NDST4: variants seen among roughly 807,000 people sequenced by gnomAD.
NDST4 encodes the protein N-heparan sulfate sulfotransferase 4.
NDST4 carries 63 observed loss-of-function variants against 100.8 expected under a neutral mutation model. The ratio of observed to expected loss-of-function variants is 0.62; its 90% CI spans 0.51 to 0.77. The LOEUF (loss-of-function observed/expected upper bound fraction) is 0.77. Ranked by LOEUF, NDST4 falls within the 30% of genes least tolerant of loss-of-function variation. The pLI is 0.00. For synonymous variants in NDST4, 377 were observed against 361.8 expected (o/e 1.04, Z -0.48); for missense variants, 943 against 1,018.4 (o/e 0.93, Z 1.01).
intron 2 of NDST4, among the ~76,000 whole-genome samples, chr4:115,061,566 T>C (rs1184158583): frequency 1.3e-5 from 2 of 151,460 alleles, no homozygotes; most frequent in African/African-American, 4.9e-5. Context: ...AAGTGGGAGT[T>C]GAATAATGAA....
chr4:114,907,643 A>G (rs1724979836), intron 6 of NDST4, among the ~76,000 whole-genome samples: 1 of 152,084 alleles, frequency 6.6e-6, no homozygotes, highest in East Asian at 1.9e-4. Context: ...GGTGTTTTCC[A>G]TATGTTATGA....
chr4:114,896,640 AT>A lies in NDST4; in HGVS notation c.1537-25691del, dbSNP rs199518146. Among the ~76,000 whole-genome samples the A allele has an allele frequency of 8.2e-3, 1,210 of 147,842 alleles. 14 individuals are homozygous for A. Among genetic ancestry groups the A allele is most frequent in the African/African-American group, 0.028 (1,122 of 39,630 alleles). ...TCCGTCTCAAAAAAAAAAAAAAAAA[AT>A]TTGCTTTGGGTAAAATACTGCATTT... On this transcript the variant is annotated intron_variant, in intron 6 of 13. Transcript: ENST00000264363.
At chr4:114,955,259 A>G (rs533030204) in intron 4 of NDST4, among the ~76,000 whole-genome samples, 16 of 152,300 alleles carry the variant, frequency 1.1e-4, no homozygotes, top group Non-Finnish European at 2.1e-4. Context: ...TCACCAAACC[A>G]GGAGAAAGAC....
At chr4:114,858,765 C>T (rs748706507) in intron 7 of NDST4, among the ~76,000 whole-genome samples, 1 of 152,118 alleles carries the variant, frequency 6.6e-6, no homozygotes, top group South Asian at 2.1e-4. Flanking sequence ...TTCCTCATAA[C>T]TTTAAGGTTG....
At chr4:114,992,724 T>C (rs1306884284) in intron 2 of NDST4, among the ~76,000 whole-genome samples, 1 of 151,900 alleles carries the variant, frequency 6.6e-6, no homozygotes, top group Non-Finnish European at 1.5e-5. Flanking sequence ...TTCATTTAAC[T>C]TTTACAATAA....
At chr4:115,108,558 A>G (rs1291006685) in intron 1 of NDST4, among the ~76,000 whole-genome samples, 1 of 151,930 alleles carries the variant, frequency 6.6e-6, no homozygotes, top group Non-Finnish European at 1.5e-5. Context: ...AAAATTATTT[A>G]TATTTATTAT....
Position 115,019,525 on chromosome 4 carries a change from C to T in NDST4, c.979-42251G>A, listed in dbSNP as rs373602439. 1.8e-4 allele frequency among the ~76,000 whole-genome samples: 28 copies of T among 152,226 alleles called. No homozygotes were observed. In the South Asian group the frequency reaches 5.6e-3, roughly 30 times the overall value. On this transcript the variant is annotated intron_variant, in intron 2 of 13. Transcript: ENST00000264363. ...GAGAATAATGCCCTGGCAGCAGATT[C>T]TTATTTTAAATAGAACTCAGTATGT...
At chr4:114,894,162 T>C (rs540221650) in intron 6 of NDST4, among the ~76,000 whole-genome samples, 14 of 152,306 alleles carry the variant, frequency 9.2e-5, no homozygotes, top group South Asian at 2.1e-4. Flanking sequence ...TAGTCTGAAG[T>C]CAGGTAGCAT....
chr4:115,019,420 T>C (rs980301694), intron 2 of NDST4, among the ~76,000 whole-genome samples: 3 of 152,120 alleles, frequency 2.0e-5, no homozygotes, highest in Non-Finnish European at 4.4e-5. Context: ...CCCAGCCTAA[T>C]CTTTTCATCA....
At chr4:115,013,269 C>T (rs1453630226) in intron 2 of NDST4, among the ~76,000 whole-genome samples, 3 of 146,558 alleles carry the variant, frequency 2.0e-5, no homozygotes, top group African/African-American at 5.0e-5. Flanking sequence ...ATGGATATCC[C>T]ATTTACCCTA....
intron 2 of NDST4, among the ~76,000 whole-genome samples, chr4:114,984,707 G>T (rs1458167063): frequency 1.3e-5 from 2 of 152,040 alleles, no homozygotes; most frequent in African/African-American, 4.8e-5. Flanking sequence ...GACCAAAATT[G>T]ACCATGCCTG....
At chr4:115,023,881 CT>C (rs769113181) in intron 2 of NDST4, among the ~76,000 whole-genome samples, 5 of 152,086 alleles carry the variant, frequency 3.3e-5, no homozygotes, top group African/African-American at 1.2e-4. Context: ...CCCAGGGCAC[CT>C]TCTACAAGCT....
At chr4:114,999,998 T>C (rs752653782) in intron 2 of NDST4, among the ~76,000 whole-genome samples, 1 of 152,048 alleles carries the variant, frequency 6.6e-6, no homozygotes, top group Non-Finnish European at 1.5e-5. Flanking sequence ...AATTTAAGTA[T>C]ATACTTCTGA....
At chr4:114,879,699 A>C (rs562712492) in intron 6 of NDST4, among the ~76,000 whole-genome samples, 1 of 152,310 alleles carries the variant, frequency 6.6e-6, no homozygotes, top group South Asian at 2.1e-4. Context: ...ATGAACAAAT[A>C]AATCCTTGAT....
intron 4 of NDST4, among the ~76,000 whole-genome samples, chr4:114,942,792 A>G (rs2126228606): frequency 6.6e-6 from 1 of 152,038 alleles, no homozygotes; most frequent in East Asian, 1.9e-4. Flanking sequence ...TGATTTTTCT[A>G]ATGGATTTTA....
chr4:115,014,871 G>A (rs1362981778), intron 2 of NDST4, among the ~76,000 whole-genome samples: 7 of 152,072 alleles, frequency 4.6e-5, no homozygotes, highest in African/African-American at 2.4e-5. Context: ...CATGCAACCT[G>A]AGCATTGGCT....
intron 8 of NDST4, among the ~76,000 whole-genome samples, chr4:114,849,937 C>G (rs966271779): frequency 5.3e-5 from 8 of 151,914 alleles, no homozygotes; most frequent in African/African-American, 1.9e-4. Flanking sequence ...CTAAATATAA[C>G]AGGAGTTTAA....
intron 1 of NDST4, among the ~76,000 whole-genome samples, chr4:115,078,859 C>CA (rs201966756): frequency 6.6e-6 from 1 of 151,556 alleles, no homozygotes; most frequent in East Asian, 2.0e-4. Context: ...AACCCCCGCC[C>CA]AAAAAAAGTG....
chr4:115,032,530 T>G (rs1347466151), intron 2 of NDST4, among the ~76,000 whole-genome samples: 1 of 152,104 alleles, frequency 6.6e-6, no homozygotes, highest in Non-Finnish European at 1.5e-5. Context: ...ATAATGCCTG[T>G]CCCACATTTG....
Sources: gnomAD v4.1 joint callset for allele counts (sites outside exome capture counted in the v4.1 genomes callset) on GRCh38, gnomAD v4.1.1 for gene constraint, MANE v1.5 for transcripts, NCBI Gene and HGNC (gene_info 2026-07-23, HGNC 2026-07-21) for gene names.